The following EPHA5 variants were observed in gnomAD, a reference collection of about 807,000 sequenced individuals.
The protein encoded by EPHA5 is ephrin type-A receptor 5.
A neutral mutation model predicts 105.0 loss-of-function variants in EPHA5; 60 were observed. The ratio of observed to expected loss-of-function variants is 0.57; its 90% CI spans 0.46 to 0.71. The LOEUF (loss-of-function observed/expected upper bound fraction) is 0.71, where lower values mean the gene tolerates loss of function less well. Ranked by LOEUF, EPHA5 falls within the 30% of genes least tolerant of loss-of-function variation. The probability of loss-of-function intolerance (pLI) is 0.00; values close to 1 mark genes in which losing one functional copy is unlikely to be tolerated. For missense variants in EPHA5, 1,218 were observed against 1,274.7 expected (o/e 0.96, Z 0.68); for synonymous variants, 513 against 449.1 (o/e 1.14, Z -1.80).
intron 8 of EPHA5, among the ~76,000 whole-genome samples, chr4:65,394,959 A>G (rs1721073445): frequency 6.6e-6 from 1 of 152,158 alleles, no homozygotes; most frequent in Non-Finnish European, 1.5e-5. Flanking sequence ...TCAAGAAACT[A>G]TGATGCTTTG....
intron 5 of EPHA5, among the ~76,000 whole-genome samples, chr4:65,435,188 A>G (rs1725363251): frequency 6.6e-6 from 1 of 152,140 alleles, no homozygotes; most frequent in Non-Finnish European, 1.5e-5. Context: ...TTTTATTGCT[A>G]CACATTAAAT....
At chr4:65,610,344 C>A (rs1315698520) in intron 2 of EPHA5, among the ~76,000 whole-genome samples, 2 of 151,840 alleles carry the variant, frequency 1.3e-5, no homozygotes, top group Non-Finnish European at 2.9e-5. Context: ...AAGACAGGAA[C>A]AACAGACACT....
At chr4:65,628,911 T>C (rs1746387001) in intron 2 of EPHA5, among the ~76,000 whole-genome samples, 1 of 152,152 alleles carries the variant, frequency 6.6e-6, no homozygotes, top group African/African-American at 2.4e-5. Flanking sequence ...TTGGCAGCTG[T>C]CCTGTCCTGA....
At chr4:65,503,202 T>C (rs1195757585) in intron 3 of EPHA5, among the ~76,000 whole-genome samples, 1 of 151,792 alleles carries the variant, frequency 6.6e-6, no homozygotes, top group Non-Finnish European at 1.5e-5. Context: ...GATCATGGTA[T>C]CCCAAATCTC....
At chr4:65,511,338 C>T (rs1301468909) in intron 3 of EPHA5, among the ~76,000 whole-genome samples, 1 of 152,114 alleles carries the variant, frequency 6.6e-6, no homozygotes, top group Non-Finnish European at 1.5e-5. Flanking sequence ...GTTAAGAACA[C>T]TTTCTAGGCG....
At chr4:65,430,419 G>T (rs1309697705) in intron 5 of EPHA5, among the ~76,000 whole-genome samples, 1 of 151,944 alleles carries the variant, frequency 6.6e-6, no homozygotes, top group Admixed American at 6.6e-5. Context: ...TTTGAGAATT[G>T]TTTAACAAAT....
intron 5 of EPHA5, among the ~76,000 whole-genome samples, chr4:65,454,018 C>T (rs568417803): frequency 6.6e-6 from 1 of 152,210 alleles, no homozygotes; most frequent in South Asian, 2.1e-4. Context: ...CGGTGGCTCA[C>T]GCCTGTAATT....
chr4:65,578,193 C>T (rs1382443859), intron 3 of EPHA5, among the ~76,000 whole-genome samples: 4 of 152,116 alleles, frequency 2.6e-5, no homozygotes, highest in Non-Finnish European at 5.9e-5. Flanking sequence ...TCATCTAACA[C>T]CCTCCCAACT....
At chr4:65,490,826 A>T (rs1731333571) in intron 4 of EPHA5, 114 bp from the exon 5 acceptor site, 1 of 1,104,648 alleles carries the variant, frequency 9.1e-7, no homozygotes, top group African/African-American at 1.6e-5. Flanking sequence ...TAAGTCCTTT[A>T]AGTCATAATT....
At chr4:65,389,961 A>C (rs1447932994) in intron 8 of EPHA5, among the ~76,000 whole-genome samples, 2 of 151,976 alleles carry the variant, frequency 1.3e-5, no homozygotes, top group Admixed American at 6.6e-5. Flanking sequence ...GTAGGGGTGT[A>C]GTAAGGGGGA....
intron 3 of EPHA5, among the ~76,000 whole-genome samples, chr4:65,544,177 A>G (rs1031453940): frequency 2.6e-5 from 4 of 152,064 alleles, no homozygotes; most frequent in African/African-American, 9.7e-5. Context: ...CAAAAACTTC[A>G]TGATGAAAAT....
chr4:65,546,629 T>C (rs778863915), intron 3 of EPHA5, among the ~76,000 whole-genome samples: 1 of 152,050 alleles, frequency 6.6e-6, no homozygotes, highest in Non-Finnish European at 1.5e-5. Flanking sequence ...AGTTTTCTAA[T>C]TTTGCTCAAA....
chr4:65,409,283 A>G (rs1722683234), intron 7 of EPHA5, among the ~76,000 whole-genome samples: 1 of 131,010 alleles, frequency 7.6e-6, no homozygotes, highest in Non-Finnish European at 1.6e-5. Flanking sequence ...TGGCACATGT[A>G]TACATATGTA....
chr4:65,582,254 C>T (rs6849075), intron 3 of EPHA5, among the ~76,000 whole-genome samples: 74 of 151,348 alleles, frequency 4.9e-4, no homozygotes, highest in African/African-American at 1.6e-3. Context: ...ATTTTCAAGA[C>T]GCCACAATTC....
chr4:65,432,712 T>G (rs1039793632), intron 5 of EPHA5, among the ~76,000 whole-genome samples: 23 of 152,036 alleles, frequency 1.5e-4, no homozygotes, highest in African/African-American at 4.8e-4. Flanking sequence ...GGAATATAGG[T>G]GGGCAGTGCT....
chr4:65,604,721 A>T (rs189918389), intron 2 of EPHA5, among the ~76,000 whole-genome samples: 29 of 135,684 alleles, frequency 2.1e-4, no homozygotes, highest in Admixed American at 1.1e-3. Flanking sequence ...AGCAAAAATC[A>T]GGTATGTAAA....
intron 5 of EPHA5, among the ~76,000 whole-genome samples, chr4:65,443,043 A>G (rs553533240): frequency 2.5e-4 from 38 of 152,284 alleles, no homozygotes; most frequent in African/African-American, 8.4e-4. Context: ...AGTTCTTTTC[A>G]AAGAACGATG....
intron 16 of EPHA5, among the ~76,000 whole-genome samples, chr4:65,327,043 T>C (rs1720144612): frequency 6.6e-6 from 1 of 151,184 alleles, no homozygotes; most frequent in African/African-American, 2.4e-5. Context: ...TCTTAACTTG[T>C]TATATTAGAG....
At position 65,359,109 on chromosome 4, in the gene EPHA5, C is replaced by G. The variant is rs112533797; in HGVS notation, c.2173+5908G>C. On this transcript the variant is annotated intron_variant, in intron 11 of 16. Transcript: ENST00000613740. ...ATTTACTAACTGTCAATCTGCAAGT[C>G]AGCAAATCTCTTTCTATAAACCTAT... Among the ~76,000 whole-genome samples, 1,013 of 151,702 alleles carry G rather than the reference C, an allele frequency of 6.7e-3. 19 individuals are homozygous for G. Among genetic ancestry groups the G allele is most frequent in the African/African-American group, 0.023 (934 of 41,480 alleles).
Sources: allele counts gnomAD v4.1 joint callset (sites outside exome capture counted in the v4.1 genomes callset), GRCh38; gene constraint gnomAD v4.1.1; transcripts MANE v1.5; gene names NCBI Gene and HGNC (gene_info 2026-07-23, HGNC 2026-07-21).